Variants in PRUNE2 observed in about 807,000 individuals in gnomAD.
PRUNE2 encodes protein prune homolog 2.
PRUNE2 carries 164 observed loss-of-function variants against 252.0 expected under a neutral mutation model. The observed-to-expected ratio is 0.65, with a 90% confidence interval of 0.57 to 0.74. The LOEUF (loss-of-function observed/expected upper bound fraction) is 0.74. PRUNE2 is among the 30% of genes least tolerant of loss of function. The pLI is 0.00. For missense variants in PRUNE2, 3,495 were observed against 3,711.0 expected, an observed-to-expected ratio of 0.94 and a Z score of 1.51; for synonymous variants, 1,292 against 1,350.2, an observed-to-expected ratio of 0.96 and a Z score of 0.94.
At chr9:76,733,894 T>C (rs951219420) in intron 6 of PRUNE2, among the ~76,000 whole-genome samples, 1 of 151,976 alleles carries the variant, frequency 6.6e-6, no homozygotes, top group African/African-American at 2.4e-5. Flanking sequence ...GATTTTTTTT[T>C]AAAGCAGTCT....
intron 6 of PRUNE2, among the ~76,000 whole-genome samples, chr9:76,750,088 A>T (rs2050483850): frequency 6.6e-6 from 1 of 152,074 alleles, no homozygotes; most frequent in Non-Finnish European, 1.5e-5. Context: ...AAGACACAGA[A>T]GCTCCTATGC....
At chr9:76,789,304 A>G (rs1404155698) in intron 6 of PRUNE2, among the ~76,000 whole-genome samples, 1 of 152,148 alleles carries the variant, frequency 6.6e-6, no homozygotes, top group Admixed American at 6.5e-5. Flanking sequence ...AGCAATCACT[A>G]TTATTCCCAT....
intron 9 of PRUNE2, among the ~76,000 whole-genome samples, chr9:76,666,079 CA>C (rs2040087429): frequency 6.6e-6 from 1 of 152,106 alleles, no homozygotes; most frequent in African/African-American, 2.4e-5. Context: ...GCTGAGGGGA[CA>C]TAGTGAGAAG....
At chr9:76,794,864 CAA>C (rs1028156993) in intron 6 of PRUNE2, among the ~76,000 whole-genome samples, 2 of 152,116 alleles carry the variant, frequency 1.3e-5, no homozygotes, top group Non-Finnish European at 2.9e-5. Flanking sequence ...AAGTTTTAAG[CAA>C]AGTGTCCAGA....
intron 1 of PRUNE2, among the ~76,000 whole-genome samples, chr9:76,898,409 T>C (rs1200383030): frequency 6.6e-6 from 1 of 152,224 alleles, no homozygotes; most frequent in African/African-American, 2.4e-5. Flanking sequence ...ACTGTGTTGA[T>C]GTTTCCTTTC....
chr9:76,893,767 C>T (rs2062636871), intron 1 of PRUNE2, among the ~76,000 whole-genome samples: 3 of 152,160 alleles, frequency 2.0e-5, no homozygotes, highest in Admixed American at 6.5e-5. Flanking sequence ...ATTTTAAAAG[C>T]CAGCTCTGGG....
At position 76,833,465 on chromosome 9, in the gene PRUNE2, T is replaced by C. The variant is rs941688777; in HGVS notation, c.509-6733A>G. Among the ~76,000 whole-genome samples the C allele has an allele frequency of 9.2e-5, 14 of 152,276 alleles. No homozygotes were observed. In the South Asian group the frequency reaches 2.5e-3, roughly 27 times the overall value. Reference sequence around the variant, plus strand: ...CAACTTCCTTATTTGATGAATGGCATTTATAAAAACCAAATACAGGCCGGG... The same window carrying C: ...CAACTTCCTTATTTGATGAATGGCACTTATAAAAACCAAATACAGGCCGGG... On this transcript the variant is annotated intron_variant, in intron 4 of 18. Coordinates refer to ENST00000376718, the MANE Select transcript of PRUNE2 (RefSeq NM_015225.3).
intron 6 of PRUNE2, chr9:76,817,829 G>T (rs1043022946): frequency 4.6e-5 from 7 of 152,124 alleles, no homozygotes; most frequent in African/African-American, 1.7e-4. Context: ...TTACTCAACT[G>T]CCAGGTACAC....
intron 13 of PRUNE2, among the ~76,000 whole-genome samples, 187 bp downstream of exon 13, chr9:76,637,999 A>G (rs1362057853): frequency 6.6e-6 from 1 of 152,196 alleles, no homozygotes; most frequent in Admixed American, 6.5e-5. Flanking sequence ...AGTCTAGTCT[A>G]CCCACAAAAG....
At chr9:76,808,646 C>T (rs901967588) in intron 6 of PRUNE2, 1 of 152,368 alleles carries the variant, frequency 6.6e-6, no homozygotes, top group Non-Finnish European at 1.5e-5. Flanking sequence ...GCCGTGCTGG[C>T]TTACTCTGGA....
chr9:76,707,587 G>T lies in PRUNE2; in HGVS notation c.4687C>A (p.Gln1563Lys). Residue 1563 changes from glutamine (Q) to lysine (K), a missense_variant, in exon 8 of 19, where the codon CAA becomes AAA. Transcript: ENST00000376718. Reference sequence around the variant, plus strand: ...TCTTCTTGATACCCAGAACTGGGTTGCTGGCCCCAGGAGGACAGTGCAACT... The same window carrying T: ...TCTTCTTGATACCCAGAACTGGGTTTCTGGCCCCAGGAGGACAGTGCAACT... ...SSVALSSWGQ[Q>K]PSSGYQEENQ... The T allele has an allele frequency of 6.2e-7, 1 of 1,613,914 alleles. No individual in the cohort carries two copies. The highest frequency in any genetic ancestry group is 8.5e-7 in the Non-Finnish European group (1 of 1,179,888).
At chr9:76,695,189 C>G (rs1320735464) in intron 9 of PRUNE2, among the ~76,000 whole-genome samples, 1 of 152,186 alleles carries the variant, frequency 6.6e-6, no homozygotes, top group Admixed American at 6.5e-5. Context: ...GTGTGTGCCA[C>G]CACGCCTGGC....
intron 6 of PRUNE2, among the ~76,000 whole-genome samples, chr9:76,761,819 T>C (rs1018941126): frequency 6.6e-6 from 1 of 152,250 alleles, no homozygotes; most frequent in Non-Finnish European, 1.5e-5. Flanking sequence ...CAATCTATCT[T>C]ATGTAGATTT....
chr9:76,683,886 A>G (rs683798), intron 9 of PRUNE2, among the ~76,000 whole-genome samples: 138,981 of 150,810 alleles, frequency 0.92, 64,786 homozygotes, highest in Non-Finnish European at 0.99. Flanking sequence ...ATGTATTTGC[A>G]TACCCCATGA....
At chr9:76,660,916 TA>T (rs559931785) in intron 9 of PRUNE2, among the ~76,000 whole-genome samples, 2 of 151,658 alleles carry the variant, frequency 1.3e-5, no homozygotes, top group African/African-American at 2.4e-5. Context: ...TGAGCTCATA[TA>T]AAAAAACCCT....
intron 4 of PRUNE2, among the ~76,000 whole-genome samples, chr9:76,828,396 G>A (rs2058468313): frequency 6.6e-6 from 1 of 152,182 alleles, no homozygotes; most frequent in African/African-American, 2.4e-5. Flanking sequence ...GGACCATGAA[G>A]GGCCTTACAA....
At chr9:76,715,777 A>C (rs1481833545) in intron 6 of PRUNE2, among the ~76,000 whole-genome samples, 1 of 152,214 alleles carries the variant, frequency 6.6e-6, no homozygotes, top group Non-Finnish European at 1.5e-5. Flanking sequence ...ACTCATATAC[A>C]ATGTGTGTTC....
At chr9:76,737,884 C>A (rs1417674638) in intron 6 of PRUNE2, 1 of 152,158 alleles carries the variant, frequency 6.6e-6, no homozygotes, top group African/African-American at 2.4e-5. Flanking sequence ...CATTTCTAAG[C>A]AGAACAATTT....
intron 1 of PRUNE2, chr9:76,857,235 G>A: frequency 2.3e-6 from 1 of 428,300 alleles, no homozygotes; most frequent in Non-Finnish European, 4.7e-6. Context: ...CCATCAAAAT[G>A]TACCATCTTG....
Sources: allele counts gnomAD v4.1 joint callset (sites outside exome capture counted in the v4.1 genomes callset), GRCh38; gene constraint gnomAD v4.1.1; transcripts MANE v1.5; gene names NCBI Gene and HGNC (gene_info 2026-07-23, HGNC 2026-07-21).